RIPOR2: variants seen among roughly 807,000 people sequenced by gnomAD.
RIPOR2 encodes RHO family interacting cell polarization regulator 2.
RIPOR2 carries 39 observed loss-of-function variants against 114.5 expected under a neutral mutation model. That is an observed-to-expected ratio of 0.34 (90% CI 0.26 to 0.44). The LOEUF (loss-of-function observed/expected upper bound fraction) is 0.44. Ranked by LOEUF, RIPOR2 falls within the 20% of genes least tolerant of loss-of-function variation. The pLI is 1.00. For missense variants in RIPOR2, 1,007 were observed against 1,255.1 expected, an observed-to-expected ratio of 0.80 and a Z score of 2.99; for synonymous variants, 445 against 484.4, an observed-to-expected ratio of 0.92 and a Z score of 1.07.
intron 1 of RIPOR2, among the ~76,000 whole-genome samples, chr6:25,026,800 C>T (rs1776647845): frequency 6.6e-6 from 1 of 152,196 alleles, no homozygotes; most frequent in Non-Finnish European, 1.5e-5. Flanking sequence ...GCAGGAATGC[C>T]TCTGAAAGGA....
intron 1 of RIPOR2, chr6:25,024,086 C>G (rs1468177303): frequency 5.2e-6 from 4 of 776,396 alleles, no homozygotes; most frequent in African/African-American, 5.1e-5. Context: ...ATCTGGGGGA[C>G]CAGCGAGTAC....
intron 1 of RIPOR2, among the ~76,000 whole-genome samples, chr6:24,932,451 C>T (rs926689023): frequency 6.6e-6 from 1 of 152,128 alleles, no homozygotes; most frequent in Non-Finnish European, 1.5e-5. Flanking sequence ...GTCTCTCTTT[C>T]TCTTTCTCTC....
In RIPOR2 at chr6:24,825,218, T is replaced by C; in HGVS notation, c.2868+8A>G. On this transcript the variant is annotated splice_region_variant and intron_variant, in intron 19 of 21. Transcript: ENST00000643898. ...TTCTGGCTTGATGGCCATGGTTTAG[T>C]GTCTTACCTTTTCCCTGAAATGCTG... 4 of 1,547,678 alleles carry C rather than the reference T, an allele frequency of 2.6e-6. No homozygotes were observed. Among genetic ancestry groups the C allele is most frequent in the Non-Finnish European group, 3.5e-6 (4 of 1,144,808 alleles).
At chr6:24,847,443 G>C in intron 12 of RIPOR2, 1 of 1,279,548 alleles carries the variant, frequency 7.8e-7, no homozygotes, top group Non-Finnish European at 1.1e-6. Flanking sequence ...ACCATACCCA[G>C]TGAGCAAGAC....
intron 1 of RIPOR2, among the ~76,000 whole-genome samples, chr6:24,892,973 A>C (rs1379935763): frequency 6.6e-6 from 1 of 152,202 alleles, no homozygotes; most frequent in African/African-American, 2.4e-5. Flanking sequence ...TTGAGGCTAC[A>C]GTGAGTTATG....
chr6:25,024,053 T>C, intron 1 of RIPOR2: 1 of 762,578 alleles, frequency 1.3e-6, no homozygotes, highest in East Asian at 2.5e-5. Context: ...AACTCGGGCA[T>C]CCTCCAGGGA....
intron 1 of RIPOR2, among the ~76,000 whole-genome samples, chr6:25,028,736 G>A (rs1776749644): frequency 6.6e-6 from 1 of 152,222 alleles, no homozygotes; most frequent in Non-Finnish European, 1.5e-5. Flanking sequence ...GTAGTTGTGA[G>A]TCTCCAATGA....
chr6:25,013,324 C>T (rs184520504), intron 1 of RIPOR2, among the ~76,000 whole-genome samples: 90 of 152,062 alleles, frequency 5.9e-4, no homozygotes, highest in African/African-American at 1.5e-3. Flanking sequence ...CTGAAGACCA[C>T]GGGTGTTCCT....
At chr6:24,976,381 C>G in intron 1 of RIPOR2, 1 of 1,292,626 alleles carries the variant, frequency 7.7e-7, no homozygotes. Context: ...AAAGGCTTTG[C>G]AGACGCCGCC....
chr6:24,806,996 C>T (rs1306038401), intron 21 of RIPOR2, among the ~76,000 whole-genome samples: 2 of 152,100 alleles, frequency 1.3e-5, no homozygotes, highest in Admixed American at 6.5e-5. Flanking sequence ...CAGTTTTGTC[C>T]GTAACGCCAC....
At chr6:24,839,621 A>C (rs1761449817) in intron 13 of RIPOR2, 3 of 1,538,758 alleles carry the variant, frequency 1.9e-6, no homozygotes, top group Non-Finnish European at 1.7e-6. Flanking sequence ...TTTTATAACA[A>C]AAAGTTGAAA....
chr6:24,980,409 A>G (rs1296538649), intron 1 of RIPOR2, among the ~76,000 whole-genome samples: 3 of 152,172 alleles, frequency 2.0e-5, no homozygotes, highest in African/African-American at 7.2e-5. Context: ...CTAAAATGTG[A>G]CCTAACATAC....
intron 1 of RIPOR2, among the ~76,000 whole-genome samples, chr6:24,978,968 A>G (rs1225982805): frequency 6.6e-6 from 1 of 152,204 alleles, no homozygotes. Context: ...TACTGCATAT[A>G]TTAGCTTAGG....
intron 1 of RIPOR2, among the ~76,000 whole-genome samples, chr6:24,962,567 A>G (rs1561810667): frequency 6.6e-6 from 1 of 152,184 alleles, no homozygotes; most frequent in Non-Finnish European, 1.5e-5. Flanking sequence ...CCATGGATAT[A>G]TCATCTTTTT....
chr6:24,845,132 C>A (rs1351803156), intron 12 of RIPOR2, among the ~76,000 whole-genome samples: 1 of 152,052 alleles, frequency 6.6e-6, no homozygotes, highest in Non-Finnish European at 1.5e-5. Flanking sequence ...ACTTGAGTAA[C>A]CTCTACAAGC....
intron 12 of RIPOR2, among the ~76,000 whole-genome samples, chr6:24,845,719 A>G (rs114430319): frequency 0.021 from 3,270 of 152,288 alleles, 121 homozygotes; most frequent in African/African-American, 0.072. Context: ...ACAATGGTGT[A>G]CACGCTATAA....
At chr6:25,015,907 T>G (rs1394670176) in intron 1 of RIPOR2, 4 of 138,262 alleles carry the variant, frequency 2.9e-5, no homozygotes, top group Admixed American at 1.4e-4. Flanking sequence ...TTTTTTTTTT[T>G]TTTTTTTTTT....
At chr6:25,022,916 AAG>A (rs1245240810) in intron 1 of RIPOR2, among the ~76,000 whole-genome samples, 1 of 152,160 alleles carries the variant, frequency 6.6e-6, no homozygotes, top group Admixed American at 6.5e-5. Context: ...AGACAGGAAA[AAG>A]AGAAAATGCA....
chr6:24,946,212 A>G (rs774492685), intron 1 of RIPOR2, among the ~76,000 whole-genome samples: 3 of 151,860 alleles, frequency 2.0e-5, no homozygotes, highest in Admixed American at 6.6e-5. Flanking sequence ...CCTCCCAAAT[A>G]GCTGGGATTA....
Sources: allele counts gnomAD v4.1 joint callset (sites outside exome capture counted in the v4.1 genomes callset), GRCh38; gene constraint gnomAD v4.1.1; transcripts MANE v1.5; gene names NCBI Gene and HGNC (gene_info 2026-07-23, HGNC 2026-07-21).